NFIA: variants seen among roughly 807,000 people sequenced by gnomAD.
NFIA encodes nuclear factor 1 A-type.
NFIA carries 8 observed loss-of-function variants against 62.8 expected under a neutral mutation model. That is an observed-to-expected ratio of 0.13 (90% CI 0.07 to 0.23). NFIA has a LOEUF of 0.23. NFIA is among the 10% of genes least tolerant of loss of function. The probability of loss-of-function intolerance (pLI) is 1.00; values close to 1 mark genes in which losing one functional copy is unlikely to be tolerated. For synonymous variants in NFIA, 235 were observed against 238.1 expected, an observed-to-expected ratio of 0.99 and a Z score of 0.12; for missense variants, 410 against 642.1, an observed-to-expected ratio of 0.64 and a Z score of 3.91.
At position 61,363,360 on chromosome 1, in the gene NFIA, T is replaced by C. The variant is rs146246990; in HGVS notation, c.946+4086T>C. 2.6e-3 allele frequency among the ~76,000 whole-genome samples: 397 copies of C among 152,250 alleles called. 1 individual carries two copies. The highest frequency in any genetic ancestry group is 9.2e-3 in the African/African-American group (382 of 41,546). On this transcript the variant is annotated intron_variant, in intron 6 of 10. Coordinates refer to ENST00000403491, the MANE Select transcript of NFIA (RefSeq NM_001134673.4). Reference sequence around the variant, plus strand: ...TGGCTCACGCCTGTAATCCCAGCACTTTGGGAGGCCGAGGTGGACGGATCA... The same window carrying C: ...TGGCTCACGCCTGTAATCCCAGCACCTTGGGAGGCCGAGGTGGACGGATCA...
chr1:61,352,565 G>A lies in NFIA; in HGVS notation c.816G>A (p.Thr272=), dbSNP rs774802009. ...GGTCTTTACCCAGCACATCCTCTACGAGGTAATTTTATTGGCAGCTCTTGA... is the reference window on the plus strand; with the variant it reads ...GGTCTTTACCCAGCACATCCTCTACAAGGTAATTTTATTGGCAGCTCTTGA... ...MRRSLPSTSS[T]SSTKRLKSVE... is the part of the protein sequence containing the mutation. Residue 272 remains threonine (T), a splice_region_variant and synonymous_variant, in exon 5 of 11, where the codon ACG becomes ACA. Coordinates refer to ENST00000403491, the MANE Select transcript of NFIA (RefSeq NM_001134673.4). The A allele has an allele frequency of 2.0e-5, 32 of 1,608,638 alleles. No individual in the cohort carries two copies. The highest frequency in any genetic ancestry group is 2.7e-5 in the Non-Finnish European group (32 of 1,175,298).
At chr1:61,197,287 G>GGT (rs966825651) in intron 2 of NFIA, among the ~76,000 whole-genome samples, 6 of 132,264 alleles carry the variant, frequency 4.5e-5, no homozygotes, top group African/African-American at 1.2e-4. Context: ...CACGCAGGCT[G>GGT]GTGTGCAGTG....
intron 7 of NFIA, among the ~76,000 whole-genome samples, chr1:61,397,038 AG>A (rs1484057824): frequency 6.6e-6 from 1 of 151,972 alleles, no homozygotes; most frequent in Non-Finnish European, 1.5e-5. Flanking sequence ...CCCGGTTGGC[AG>A]GGGCCTACGT....
At chr1:61,340,639 C>T (rs1306978773) in intron 4 of NFIA, among the ~76,000 whole-genome samples, 10 of 152,206 alleles carry the variant, frequency 6.6e-5, no homozygotes, top group South Asian at 2.1e-4. Context: ...AGCCCCTGAT[C>T]GTTCTTCACT....
At chr1:61,095,020 CAA>C (rs199783182) in intron 2 of NFIA, among the ~76,000 whole-genome samples, 1,771 of 152,298 alleles carry the variant, frequency 0.012, 20 homozygotes, top group Middle Eastern at 0.065. Flanking sequence ...TGTATTTTGG[CAA>C]ATCTTGGTCT....
intron 2 of NFIA, among the ~76,000 whole-genome samples, chr1:61,105,299 T>C (rs945020562): frequency 2.6e-5 from 4 of 151,960 alleles, no homozygotes; most frequent in African/African-American, 9.7e-5. Context: ...TAGGTAGGTA[T>C]TGAGGAGGTA....
At chr1:61,238,492 A>C (rs1439554807) in intron 2 of NFIA, among the ~76,000 whole-genome samples, 2 of 152,154 alleles carry the variant, frequency 1.3e-5, no homozygotes, top group African/African-American at 4.8e-5. Flanking sequence ...CCTTCTGTCA[A>C]GAAACTGCAT....
intron 2 of NFIA, among the ~76,000 whole-genome samples, chr1:61,094,103 C>A (rs1315962136): frequency 6.6e-6 from 1 of 152,146 alleles, no homozygotes; most frequent in Non-Finnish European, 1.5e-5. Flanking sequence ...ACATAAAATG[C>A]AGATTGAGTT....
At chr1:61,435,305 G>A (rs1326909102) in intron 10 of NFIA, among the ~76,000 whole-genome samples, 1 of 152,152 alleles carries the variant, frequency 6.6e-6, no homozygotes, top group African/African-American at 2.4e-5. Flanking sequence ...GGCAATAATA[G>A]TATCTACCTC....
chr1:61,126,319 G>GGCC (rs1182911457), intron 2 of NFIA, among the ~76,000 whole-genome samples: 7 of 151,772 alleles, frequency 4.6e-5, no homozygotes, highest in Non-Finnish European at 1.0e-4. Flanking sequence ...GTCCTGATTC[G>GGCC]GCCTCAGGAG....
chr1:61,082,087 G>C (rs1285594551), upstream of NFIA: 3 of 1,524,322 alleles, frequency 2.0e-6, no homozygotes, highest in African/African-American at 1.4e-5. Context: ...GGATGGGGAC[G>C]AGGAAAAGTA....
intron 3 of NFIA, among the ~76,000 whole-genome samples, chr1:61,281,470 A>C: frequency 6.6e-6 from 1 of 152,202 alleles, no homozygotes; most frequent in East Asian, 1.9e-4. Context: ...TCAGAAATAT[A>C]CCAAGACTTT....
rs1666514872 is a variant in NFIA at position 61,419,640 on chromosome 1, C to T, written c.1421-6825C>T. 2.6e-5 allele frequency among the ~76,000 whole-genome samples: 4 copies of T among 152,140 alleles called. 1 individual carries two copies. The South Asian group carries it at 8.3e-4, about 32-fold the overall frequency. On this transcript the variant is annotated intron_variant, in intron 9 of 10. Transcript: ENST00000403491. The stretch of plus-strand genomic sequence containing the variant: ...ACCCCAAATTCTGATATAGCTTGAC[C>T]TCCTACTGCCCTTAGGATCCTTAAT...
chr1:61,188,196 G>A (rs926501903), intron 2 of NFIA, among the ~76,000 whole-genome samples: 6 of 151,856 alleles, frequency 4.0e-5, no homozygotes, highest in Admixed American at 1.3e-4. Context: ...ACAGGTGCGC[G>A]CCCCCACGCC....
At chr1:61,300,020 T>C (rs1208854467) in intron 3 of NFIA, among the ~76,000 whole-genome samples, 1 of 152,142 alleles carries the variant, frequency 6.6e-6, no homozygotes, top group Non-Finnish European at 1.5e-5. Flanking sequence ...TAAAAGTTTC[T>C]GGAACTTACA....
At chr1:61,174,303 T>A (rs1360951566) in intron 2 of NFIA, among the ~76,000 whole-genome samples, 4 of 152,198 alleles carry the variant, frequency 2.6e-5, no homozygotes, top group Non-Finnish European at 4.4e-5. Context: ...AAAGCTGTTG[T>A]GGAGGCTTTT....
At chr1:61,240,520 G>A (rs548472187) in intron 2 of NFIA, among the ~76,000 whole-genome samples, 2 of 151,158 alleles carry the variant, frequency 1.3e-5, no homozygotes, top group Non-Finnish European at 3.0e-5. Context: ...TACACAATGG[G>A]GTCTTTTTTT....
At chr1:61,224,825 A>G (rs548243213) in intron 2 of NFIA, among the ~76,000 whole-genome samples, 44 of 152,282 alleles carry the variant, frequency 2.9e-4, no homozygotes, top group Admixed American at 1.6e-3. Flanking sequence ...GGGATGTTCT[A>G]ATAAAGCTCT....
chr1:61,380,844 AT>A (rs1266354730), intron 6 of NFIA, among the ~76,000 whole-genome samples: 4 of 152,030 alleles, frequency 2.6e-5, no homozygotes, highest in Admixed American at 2.0e-4. Context: ...GAAGATTTAA[AT>A]TTTGCTATTT....
Sources: gnomAD v4.1 joint callset for allele counts (sites outside exome capture counted in the v4.1 genomes callset) on GRCh38, gnomAD v4.1.1 for gene constraint, MANE v1.5 for transcripts, NCBI Gene and HGNC (gene_info 2026-07-23, HGNC 2026-07-21) for gene names.